The following GRM8 variants were observed in gnomAD, a reference collection of about 807,000 sequenced individuals.
GRM8 encodes the protein glutamate metabotropic receptor 8, also known as metabotropic glutamate receptor 8.
Under a neutral mutation model 87.2 loss-of-function variants are expected in GRM8, and 47 were observed. The observed-to-expected ratio is 0.54, with a 90% CI of 0.43 to 0.69. GRM8 has a LOEUF of 0.69. Ranked by LOEUF, GRM8 falls within the 30% of genes least tolerant of loss-of-function variation. The pLI, the probability that GRM8 is intolerant of heterozygous loss-of-function variation, is 0.00. For synonymous variants in GRM8, 396 were observed against 404.5 expected (o/e 0.98, Z 0.25); for missense variants, 1,019 against 1,139.2 (o/e 0.89, Z 1.52).
intron 7 of GRM8, among the ~76,000 whole-genome samples, chr7:126,702,498 G>A (rs1048270479): frequency 1.3e-4 from 20 of 152,180 alleles, no homozygotes; most frequent in African/African-American, 3.6e-4. Context: ...GAAGGACGAC[G>A]CAGTGGCAGA....
intron 6 of GRM8, among the ~76,000 whole-genome samples, chr7:126,817,801 G>T (rs1793928448): frequency 6.6e-6 from 1 of 152,098 alleles, no homozygotes; most frequent in African/African-American, 2.4e-5. Flanking sequence ...TAATTTCACT[G>T]AGGTAAGTAA....
chr7:127,231,945 A>G (rs559741582), intron 2 of GRM8, among the ~76,000 whole-genome samples: 32 of 152,010 alleles, frequency 2.1e-4, no homozygotes, highest in African/African-American at 7.7e-4. Flanking sequence ...ATTTACTGCA[A>G]CTTTATTTAA....
chr7:126,688,260 T>C (rs1016631271), intron 7 of GRM8, among the ~76,000 whole-genome samples: 1 of 152,124 alleles, frequency 6.6e-6, no homozygotes, highest in African/African-American at 2.4e-5. Flanking sequence ...AAAAATGTCA[T>C]AGATGGGTAA....
At chr7:127,042,475 T>C (rs1295623457) in intron 3 of GRM8, among the ~76,000 whole-genome samples, 1 of 152,220 alleles carries the variant, frequency 6.6e-6, no homozygotes, top group Non-Finnish European at 1.5e-5. Context: ...TAAAACCCTT[T>C]GCAGATTGAC....
chr7:126,980,884 A>G (rs1811451843), intron 3 of GRM8: 1 of 152,236 alleles, frequency 6.6e-6, no homozygotes. Context: ...TTTAAAAACT[A>G]CTTTTAAAAG....
At chr7:127,053,037 C>T (rs1480997427) in intron 3 of GRM8, among the ~76,000 whole-genome samples, 1 of 152,146 alleles carries the variant, frequency 6.6e-6, no homozygotes, top group Non-Finnish European at 1.5e-5. Flanking sequence ...CTAATTTGCA[C>T]ACTCAAATCA....
At chr7:126,452,087 T>C (rs964253441) in intron 9 of GRM8, among the ~76,000 whole-genome samples, 1 of 151,670 alleles carries the variant, frequency 6.6e-6, no homozygotes, top group Non-Finnish European at 1.5e-5. Flanking sequence ...ATATACACTA[T>C]GGAATACTAT....
chr7:127,071,310 G>T (rs1444483521), intron 3 of GRM8, among the ~76,000 whole-genome samples: 1 of 152,124 alleles, frequency 6.6e-6, no homozygotes, highest in African/African-American at 2.4e-5. Context: ...ACTTTAAAAG[G>T]TTTTTTCAAA....
At chr7:126,537,153 GT>G (rs527983583) in intron 8 of GRM8, among the ~76,000 whole-genome samples, 20 of 152,190 alleles carry the variant, frequency 1.3e-4, no homozygotes, top group African/African-American at 3.6e-4. Context: ...AAAAATACCA[GT>G]TTTTTAACAG....
chr7:126,760,209 A>G lies in GRM8; in HGVS notation c.1357+9656T>C, dbSNP rs1817452565. On this transcript the variant is annotated intron_variant, in intron 7 of 10. Transcript: ENST00000339582. ...ATCCTGCTTTTTTTCAAATGTGATG[A>G]AGAAGACCAGGAATTACAAAAATAA... 2.0e-5 allele frequency among the ~76,000 whole-genome samples: 3 copies of G among 152,234 alleles called. 1 individual carries two copies. In the South Asian group the frequency reaches 6.2e-4, roughly 32 times the overall value.
At chr7:126,522,908 C>G (rs1813211638) in intron 9 of GRM8, among the ~76,000 whole-genome samples, 2 of 152,210 alleles carry the variant, frequency 1.3e-5, no homozygotes. Flanking sequence ...CCTTAAAAAT[C>G]TGATGACTTC....
chr7:126,599,485 T>C (rs1328259347), intron 8 of GRM8, among the ~76,000 whole-genome samples: 1 of 152,134 alleles, frequency 6.6e-6, no homozygotes, highest in Non-Finnish European at 1.5e-5. Flanking sequence ...ATTTAGTAAG[T>C]CCCATATTAT....
At position 126,699,863 on chromosome 7, in the gene GRM8, T is replaced by C. The variant is rs535576092; in HGVS notation, c.1357+70002A>G. Reference sequence around the variant, plus strand: ...GCACATTTTTTGGGACAATAATAAATACTGGCTCAAAAGAGAATGATGGAA... The same window carrying C: ...GCACATTTTTTGGGACAATAATAAACACTGGCTCAAAAGAGAATGATGGAA... On this transcript the variant is annotated intron_variant, in intron 7 of 10. Coordinates refer to ENST00000339582, the MANE Select transcript of GRM8 (RefSeq NM_000845.3). 1.8e-3 allele frequency among the ~76,000 whole-genome samples: 269 copies of C among 152,276 alleles called. 3 individuals carry two copies. The highest frequency in any genetic ancestry group is 0.016 in the Admixed American group (239 of 15,278).
chr7:126,528,541 T>C (rs1814273364), intron 9 of GRM8, among the ~76,000 whole-genome samples: 1 of 152,092 alleles, frequency 6.6e-6, no homozygotes, highest in Non-Finnish European at 1.5e-5. Context: ...TCATGACTCC[T>C]GTCATCTAAC....
At chr7:126,776,310 C>T in intron 6 of GRM8, among the ~76,000 whole-genome samples, 1 of 152,044 alleles carries the variant, frequency 6.6e-6, no homozygotes. Context: ...GCCAAATTGA[C>T]AGAATCTAAC....
chr7:126,825,906 T>C (rs927281707), intron 6 of GRM8, among the ~76,000 whole-genome samples: 4 of 147,758 alleles, frequency 2.7e-5, no homozygotes, highest in African/African-American at 1.0e-4. Context: ...GAGTGTGATG[T>C]TCCCCTTCCT....
chr7:126,615,555 CT>C (rs1406588289), intron 7 of GRM8, among the ~76,000 whole-genome samples: 1 of 152,154 alleles, frequency 6.6e-6, no homozygotes, highest in Non-Finnish European at 1.5e-5. Context: ...GGGCTAAATG[CT>C]CCAATTAAAA....
intron 6 of GRM8, among the ~76,000 whole-genome samples, chr7:126,834,393 G>A (rs562514719): frequency 6.6e-6 from 1 of 152,266 alleles, no homozygotes; most frequent in Admixed American, 6.5e-5. Context: ...CTTACAATAT[G>A]ATAACAAGGA....
chr7:127,011,509 C>T (rs939296302), intron 3 of GRM8, among the ~76,000 whole-genome samples: 6 of 151,954 alleles, frequency 3.9e-5, no homozygotes, highest in African/African-American at 1.5e-4. Flanking sequence ...CATATATAGC[C>T]GCCTCTTCTT....
Sources: allele counts gnomAD v4.1 joint callset (sites outside exome capture counted in the v4.1 genomes callset), GRCh38; gene constraint gnomAD v4.1.1; transcripts MANE v1.5; gene names NCBI Gene and HGNC (gene_info 2026-07-23, HGNC 2026-07-21).